Variants in SKP2 observed in about 807,000 individuals in gnomAD.
The protein encoded by SKP2 is S-phase kinase-associated protein 2.
In SKP2, 16 loss-of-function variants were observed where a neutral mutation model predicts 51.8. The ratio of observed to expected loss-of-function variants is 0.31; its 90% CI spans 0.21 to 0.47. SKP2 has a LOEUF of 0.47. Among genes scored for constraint, SKP2 ranks in the 20% least tolerant of loss-of-function variants. The pLI is 1.00. For missense variants in SKP2, 377 were observed against 505.3 expected (o/e 0.75, Z 2.43); for synonymous variants, 176 against 198.6 (o/e 0.89, Z 0.96).
At chr5:36,159,167 C>T (rs991616281) in intron 2 of SKP2, among the ~76,000 whole-genome samples, 3 of 152,176 alleles carry the variant, frequency 2.0e-5, no homozygotes, top group African/African-American at 7.2e-5. Context: ...AAGCTGAAAT[C>T]TGGAGGAGTT....
At chr5:36,177,537 A>C in intron 9 of SKP2, 1 of 525,860 alleles carries the variant, frequency 1.9e-6, no homozygotes, top group African/African-American at 1.9e-5. Flanking sequence ...TTGCTGTCTT[A>C]GTATCTATGA....
At chr5:36,185,162 G>C (rs573404419), downstream of SKP2, among the ~76,000 whole-genome samples, 5 of 152,032 alleles carry the variant, frequency 3.3e-5, no homozygotes, top group East Asian at 5.8e-4. Context: ...GATATTAGCC[G>C]TTTGTCAGAT....
chr5:36,155,717 C>T (rs1044436362), intron 2 of SKP2, among the ~76,000 whole-genome samples: 1 of 152,134 alleles, frequency 6.6e-6, no homozygotes, highest in African/African-American at 2.4e-5. Flanking sequence ...CCAAATATGG[C>T]GAAAGATACT....
chr5:36,191,074 T>C (rs1188140246), intron 6 of SKP2, among the ~76,000 whole-genome samples: 1 of 152,238 alleles, frequency 6.6e-6, no homozygotes, highest in Non-Finnish European at 1.5e-5. Flanking sequence ...AACTATGTTA[T>C]CTGTCCTGTG....
rs891483544 is a variant in SKP2 at position 36,182,476 on chromosome 5, T to C, written c.*445T>C. 2.4e-5 allele frequency: 24 copies of C among 988,682 alleles called. No homozygotes were observed. The highest frequency in any genetic ancestry group is 2.9e-5 in the Non-Finnish European group (24 of 831,806). 61.2% of individuals were successfully genotyped at this position (988,682 alleles called of 1,614,324 possible). ...GAAGAACAATAAGCTATTTGTATTA[T>C]GAGCTGAACAAAAAGAGAATCATAG... On this transcript the variant is annotated 3_prime_UTR_variant, in exon 10 of 10. Coordinates refer to ENST00000274255, the MANE Select transcript of SKP2 (RefSeq NM_005983.4).
intron 9 of SKP2, 131 bp from the exon 10 acceptor site, chr5:36,181,684 AATC>A: frequency 1.1e-6 from 1 of 882,716 alleles, no homozygotes; most frequent in East Asian, 2.4e-5. Context: ...TATTTTCTCA[AATC>A]ATTTATTGTA....
intron 3 of SKP2, among the ~76,000 whole-genome samples, chr5:36,164,918 C>T (rs1745239645): frequency 6.6e-6 from 1 of 152,118 alleles, no homozygotes; most frequent in Admixed American, 6.6e-5. Context: ...GTGGCAAAAG[C>T]ACCTAAAATT....
intron 7 of SKP2, 28 bp downstream of exon 7, chr5:36,171,761 A>T: frequency 6.2e-7 from 1 of 1,609,716 alleles, no homozygotes; most frequent in Admixed American, 1.7e-5. Flanking sequence ...TGGACCACTG[A>T]GGCCTTCACA....
chr5:36,162,407 C>T (rs1335365483), intron 2 of SKP2, among the ~76,000 whole-genome samples: 1 of 152,216 alleles, frequency 6.6e-6, no homozygotes, highest in African/African-American at 2.4e-5. Context: ...TATGGCCTTC[C>T]CTGACCACCA....
chr5:36,190,403 A>G (rs1053998243), intron 6 of SKP2, among the ~76,000 whole-genome samples: 2 of 152,238 alleles, frequency 1.3e-5, no homozygotes, highest in African/African-American at 4.8e-5. Flanking sequence ...TCCAGTAGTA[A>G]TATATTTACA....
In SKP2 at chr5:36,168,296, T is replaced by C. The variant is rs1745354757; in HGVS notation, c.537-17T>C. On this transcript the variant is annotated splice_polypyrimidine_tract_variant and intron_variant, in intron 4 of 9. Coordinates refer to ENST00000274255, the MANE Select transcript of SKP2 (RefSeq NM_005983.4). ...TGAGAGCCACCTATGGAGCTCCTTT[T>C]TTCTCTCCGTGTTTAGCCCTTTTCG... 6.2e-7 allele frequency: 1 copy of C among 1,611,452 alleles called. No individual in the cohort carries two copies.
In SKP2 at chr5:36,176,888, A is replaced by G. The variant is rs141212911; in HGVS notation, c.902-77A>G. On this transcript the variant is annotated intron_variant, in intron 7 of 9. Coordinates refer to ENST00000274255, the MANE Select transcript of SKP2 (RefSeq NM_005983.4). The stretch of plus-strand genomic sequence containing the variant: ...CCCTGAACTTCCAGCATGATGTTCA[A>G]TGATAGTAGTGATAACAAATATCCT... 6.4e-4 allele frequency: 578 copies of G among 896,218 alleles called. 4 individuals are homozygous for G. The African/African-American group carries it at 8.3e-3, about 13-fold the overall frequency. 55.5% of individuals were successfully genotyped at this position (896,218 alleles called of 1,614,324 possible).
chr5:36,167,463 C>A (rs12186421), intron 4 of SKP2, among the ~76,000 whole-genome samples: 15,657 of 152,172 alleles, frequency 0.1, 1,281 homozygotes, highest in African/African-American at 0.22. Context: ...GCTGTGTCCT[C>A]TACACCCACA....
chr5:36,156,129 C>T (rs1043744506), intron 2 of SKP2, among the ~76,000 whole-genome samples: 5 of 152,092 alleles, frequency 3.3e-5, no homozygotes, highest in African/African-American at 9.7e-5. Flanking sequence ...AGGAGAGGCA[C>T]AGAGGGAAAC....
At chr5:36,164,016 G>A (rs781526396) in intron 3 of SKP2, among the ~76,000 whole-genome samples, 5 of 152,130 alleles carry the variant, frequency 3.3e-5, no homozygotes, top group Non-Finnish European at 7.4e-5. Flanking sequence ...GCTGACTGTA[G>A]GCCAGGCGGT....
chr5:36,189,047 A>G (rs180972887), downstream of SKP2, among the ~76,000 whole-genome samples: 3 of 152,280 alleles, frequency 2.0e-5, no homozygotes, highest in Admixed American at 2.0e-4. Context: ...TGCATCATGC[A>G]GTTCTTGTGC....
At chr5:36,152,596 G>A (rs1744773965) in intron 1 of SKP2, among the ~76,000 whole-genome samples, 175 bp from the exon 2 acceptor site, 1 of 152,144 alleles carries the variant, frequency 6.6e-6, no homozygotes, top group Non-Finnish European at 1.5e-5. Flanking sequence ...TTCTCGATTT[G>A]TTCTTTTCAT....
intron 6 of SKP2, 72 bp from the exon 7 acceptor site, chr5:36,171,531 G>C (rs1479777600): frequency 1.3e-5 from 18 of 1,354,314 alleles, no homozygotes; most frequent in Non-Finnish European, 1.8e-5. Flanking sequence ...TATTTTCTTT[G>C]TTTGCAGTTT....
chr5:36,181,028 AAAACAGAATTTGTG>A (rs1175562022), intron 9 of SKP2, among the ~76,000 whole-genome samples: 1 of 152,216 alleles, frequency 6.6e-6, no homozygotes, highest in African/African-American at 2.4e-5. Context: ...TTACTTTGGA[AAAACAGAATTTGTG>A]AAACAGAATT....
Sources: allele counts gnomAD v4.1 joint callset (sites outside exome capture counted in the v4.1 genomes callset), GRCh38; gene constraint gnomAD v4.1.1; transcripts MANE v1.5; gene names NCBI Gene and HGNC (gene_info 2026-07-23, HGNC 2026-07-21).